CCSER1: variants seen among roughly 807,000 people sequenced by gnomAD.
The protein encoded by CCSER1 is coiled-coil serine rich protein 1.
Under a neutral mutation model 82.0 loss-of-function variants are expected in CCSER1, and 41 were observed. The observed-to-expected ratio is 0.50, with a 90% confidence interval of 0.39 to 0.65. The LOEUF (loss-of-function observed/expected upper bound fraction) is 0.65, where lower values mean the gene tolerates loss of function less well. Ranked by LOEUF, CCSER1 falls within the 30% of genes least tolerant of loss-of-function variation. The probability of loss-of-function intolerance (pLI) is 0.00; values close to 1 mark genes in which losing one functional copy is unlikely to be tolerated. For missense variants in CCSER1, 1,119 were observed against 1,064.2 expected (o/e 1.05, Z -0.72); for synonymous variants, 414 against 383.9 (o/e 1.08, Z -0.92).
chr4:90,416,189 A>T (rs977138809), intron 4 of CCSER1, among the ~76,000 whole-genome samples: 9 of 152,158 alleles, frequency 5.9e-5, no homozygotes, highest in African/African-American at 2.2e-4. Context: ...CCTTGACTAT[A>T]TTCAATCTTA....
intron 7 of CCSER1, among the ~76,000 whole-genome samples, chr4:90,731,780 A>G (rs757743874): frequency 2.0e-5 from 3 of 152,214 alleles, no homozygotes; most frequent in Admixed American, 6.5e-5. Flanking sequence ...AGTTTCACTC[A>G]TATAATTCCA....
At chr4:90,922,993 T>C (rs771279749) in intron 8 of CCSER1, among the ~76,000 whole-genome samples, 1 of 152,158 alleles carries the variant, frequency 6.6e-6, no homozygotes, top group Non-Finnish European at 1.5e-5. Context: ...TTATTAAGAA[T>C]ATTTTTTATT....
intron 1 of CCSER1, among the ~76,000 whole-genome samples, chr4:90,212,968 G>C (rs1740311622): frequency 6.6e-6 from 1 of 152,184 alleles, no homozygotes; most frequent in South Asian, 2.1e-4. Context: ...AGTAATGGCA[G>C]ATGAGGCCTA....
chr4:91,018,337 T>A (rs1739621551), intron 9 of CCSER1, among the ~76,000 whole-genome samples: 1 of 152,108 alleles, frequency 6.6e-6, no homozygotes, highest in Non-Finnish European at 1.5e-5. Context: ...CTGCTTTGAA[T>A]CAACTATCAA....
intron 5 of CCSER1, among the ~76,000 whole-genome samples, chr4:90,482,927 T>C (rs2153599266): frequency 6.6e-6 from 1 of 152,280 alleles, no homozygotes; most frequent in Admixed American, 6.5e-5. Flanking sequence ...TGGATATCCT[T>C]GTTAACTTTC....
intron 9 of CCSER1, among the ~76,000 whole-genome samples, chr4:90,930,910 TTATATATATATATA>T (rs70963098): frequency 9.1e-6 from 1 of 109,646 alleles, no homozygotes; most frequent in Non-Finnish European, 2.0e-5. Context: ...TATCCTTATT[TTATATATATATATA>T]TATATATATA....
chr4:90,190,112 C>G (rs1378758652), intron 1 of CCSER1, among the ~76,000 whole-genome samples: 1 of 152,002 alleles, frequency 6.6e-6, no homozygotes, highest in East Asian at 1.9e-4. Flanking sequence ...GGCGTGATAA[C>G]TACAGTTGGT....
chr4:90,789,172 A>T (rs1350118066), intron 7 of CCSER1, among the ~76,000 whole-genome samples: 1 of 152,156 alleles, frequency 6.6e-6, no homozygotes, highest in Non-Finnish European at 1.5e-5. Context: ...CTTCCAAAAC[A>T]CCATCCAGAG....
At chr4:91,141,535 G>A (rs1460078755) in intron 10 of CCSER1, among the ~76,000 whole-genome samples, 2 of 152,136 alleles carry the variant, frequency 1.3e-5, no homozygotes, top group Non-Finnish European at 2.9e-5. Context: ...CTACTGATGA[G>A]CACCTACGTT....
At chr4:91,431,019 G>A (rs543119922) in intron 10 of CCSER1, among the ~76,000 whole-genome samples, 1 of 152,178 alleles carries the variant, frequency 6.6e-6, no homozygotes, top group Non-Finnish European at 1.5e-5. Flanking sequence ...GGCGGATAAC[G>A]AGGTCAGGAG....
chr4:91,132,602 A>G (rs1040367376), intron 10 of CCSER1, among the ~76,000 whole-genome samples: 1 of 152,222 alleles, frequency 6.6e-6, no homozygotes, highest in Non-Finnish European at 1.5e-5. Context: ...TGAGATGAAC[A>G]TCCCTCCCTT....
intron 10 of CCSER1, among the ~76,000 whole-genome samples, chr4:91,498,693 G>T (rs1578628163): frequency 6.6e-6 from 1 of 151,552 alleles, no homozygotes; most frequent in East Asian, 1.9e-4. Context: ...TCATATTTCT[G>T]TTGATGGCAC....
chr4:90,877,067 A>C (rs1404219066), intron 8 of CCSER1, among the ~76,000 whole-genome samples: 1 of 152,084 alleles, frequency 6.6e-6, no homozygotes, highest in African/African-American at 2.4e-5. Context: ...TAAGTTTCAG[A>C]GAGTTTAAGT....
intron 10 of CCSER1, among the ~76,000 whole-genome samples, chr4:91,446,939 G>A (rs962835860): frequency 6.6e-6 from 1 of 152,026 alleles, no homozygotes; most frequent in Non-Finnish European, 1.5e-5. Context: ...TTAAAACTGT[G>A]AATGGAGATG....
chr4:91,377,202 A>G (rs1247400023), intron 10 of CCSER1, among the ~76,000 whole-genome samples: 1 of 152,190 alleles, frequency 6.6e-6, no homozygotes, highest in African/African-American at 2.4e-5. Context: ...TAGTGCCGCA[A>G]TAAACATACA....
intron 6 of CCSER1, among the ~76,000 whole-genome samples, chr4:90,637,128 G>A (rs1030358598): frequency 6.6e-6 from 1 of 152,126 alleles, no homozygotes; most frequent in Non-Finnish European, 1.5e-5. Flanking sequence ...ATGGCTGAAG[G>A]CGTCTCATTA....
At chr4:90,577,999 G>T (rs1164183206) in intron 5 of CCSER1, among the ~76,000 whole-genome samples, 3 of 152,076 alleles carry the variant, frequency 2.0e-5, no homozygotes, top group African/African-American at 7.2e-5. Context: ...GAAGTACTGT[G>T]ATACAGTAGA....
chr4:90,913,491 G>A (rs1039123020), intron 8 of CCSER1, among the ~76,000 whole-genome samples: 1 of 152,050 alleles, frequency 6.6e-6, no homozygotes, highest in African/African-American at 2.4e-5. Context: ...CCTGAAAGAA[G>A]CACTAAATAT....
intron 10 of CCSER1, among the ~76,000 whole-genome samples, chr4:91,466,576 A>T (rs1005550941): frequency 1.3e-5 from 2 of 152,218 alleles, no homozygotes; most frequent in African/African-American, 4.8e-5. Flanking sequence ...CCCTCTTTGC[A>T]GATGACATGA....
Sources: gnomAD v4.1 joint callset for allele counts (sites outside exome capture counted in the v4.1 genomes callset) on GRCh38, gnomAD v4.1.1 for gene constraint, MANE v1.5 for transcripts, NCBI Gene and HGNC (gene_info 2026-07-23, HGNC 2026-07-21) for gene names.